USP5: variants seen among roughly 807,000 people sequenced by gnomAD.
USP5 encodes the protein ubiquitin carboxyl-terminal hydrolase 5.
Under a neutral mutation model 102.5 loss-of-function variants are expected in USP5, and 24 were observed. The ratio of observed to expected loss-of-function variants is 0.23; its 90% CI spans 0.17 to 0.33. The LOEUF is 0.33. Among genes scored for constraint, USP5 ranks in the 10% least tolerant of loss-of-function variants. The probability of loss-of-function intolerance (pLI) is 1.00; values close to 1 mark genes in which losing one functional copy is unlikely to be tolerated. For missense variants in USP5, 753 were observed against 1,122.1 expected, an observed-to-expected ratio of 0.67 and a Z score of 4.70; for synonymous variants, 460 against 434.8, an observed-to-expected ratio of 1.06 and a Z score of -0.72.
chr12:6,855,641 G>GT lies in USP5; in HGVS notation c.238-108dup, dbSNP rs1944087261. ...TGTGTCATTAAAGCTTGGCACAGAT[G>GT]TTTTTTAGCTTTATTCCGTTCTGAG... On this transcript the variant is annotated intron_variant, in intron 2 of 19. Transcript: ENST00000229268. This position sits in a 1 kb window ranked among gnomAD's most constrained non-coding sequence, Gnocchi z 4.6. 3 of 1,586,432 alleles carry GT rather than the reference G, an allele frequency of 1.9e-6. No individual in the cohort carries two copies. Among genetic ancestry groups the GT allele is most frequent in the Admixed American group, 1.8e-5 (1 of 56,096 alleles).
At chr12:6,857,013 C>T (rs879999614) in intron 6 of USP5, 122 bp downstream of exon 6, 125 of 1,309,930 alleles carry the variant, frequency 9.5e-5, no homozygotes, top group Admixed American at 6.5e-4. Context: ...TAGTCAGGTG[C>T]GGTGGCTCAT....
intron 1 of USP5, among the ~76,000 whole-genome samples, chr12:6,853,246 C>T (rs1414768145): frequency 6.6e-6 from 1 of 152,222 alleles, no homozygotes; most frequent in East Asian, 1.9e-4. Context: ...TCTGCCAGAA[C>T]CAGCTCATGG....
chr12:6,852,388 G>A (rs1738660442), intron 1 of USP5, 98 bp downstream of exon 1: 2 of 1,210,532 alleles, frequency 1.7e-6, no homozygotes, highest in African/African-American at 1.5e-5. Flanking sequence ...GCCTCCCTGC[G>A]ATGCACCATG....
rs1266631603 is a variant in USP5 at position 6,856,953 on chromosome 12, C to T, written c.769+62C>T. The T allele has an allele frequency of 2.2e-5, 34 of 1,567,600 alleles. No homozygotes were observed. The highest frequency in any genetic ancestry group is 1.2e-4 in the African/African-American group (9 of 73,386). On this transcript the variant is annotated intron_variant, in intron 6 of 19. Transcript: ENST00000229268. The surrounding 1 kb of genome is among the most constrained non-coding windows in gnomAD (Gnocchi z 5.6). ...AATATATTTCATTTGTTAGTAATTT[C>T]GTGTGACATGTATAATACATGAATG...
intron 6 of USP5, among the ~76,000 whole-genome samples, 181 bp downstream of exon 6, chr12:6,857,072 G>A (rs1195717998): frequency 2.0e-5 from 3 of 152,110 alleles, no homozygotes; most frequent in African/African-American, 7.2e-5. Context: ...AATTGCTTGA[G>A]CCTAGGAGTT....
Position 6,855,971 on chromosome 12 carries a change from C to T in USP5, c.305-46C>T. ...TGCTGGCTCGGAGGAGGGACATTGA[C>T]CTGTTGTCATTGCTCTACTCTCCCT... On this transcript the variant is annotated intron_variant, in intron 3 of 19. Coordinates refer to ENST00000229268, the MANE Select transcript of USP5 (RefSeq NM_001098536.2). The surrounding 1 kb of genome is among the most constrained non-coding windows in gnomAD (Gnocchi z 4.6). 3.1e-6 allele frequency: 5 copies of T among 1,612,042 alleles called. No homozygotes were observed. The highest frequency in any genetic ancestry group is 4.2e-6 in the Non-Finnish European group (5 of 1,178,474).
intron 1 of USP5, among the ~76,000 whole-genome samples, chr12:6,853,139 G>T (rs1248298031): frequency 1.3e-5 from 2 of 152,174 alleles, no homozygotes; most frequent in African/African-American, 4.8e-5. Flanking sequence ...CTCAAGCGGA[G>T]GCCCTTTGGG....
In USP5 at chr12:6,860,269, C is replaced by T. The variant is rs782655272; in HGVS notation, c.1218+31C>T. 3.7e-6 allele frequency: 6 copies of T among 1,611,040 alleles called. No individual in the cohort carries two copies. The highest frequency in any genetic ancestry group is 5.1e-6 in the Non-Finnish European group (6 of 1,177,894). ...TCTAGGACCCTGTCCCTTTCAGGCCCTGGGATTGTGGGGAAGCTGAGGTCT... is the reference window on the plus strand; with the variant it reads ...TCTAGGACCCTGTCCCTTTCAGGCCTTGGGATTGTGGGGAAGCTGAGGTCT... On this transcript the variant is annotated intron_variant, in intron 10 of 19. Transcript: ENST00000229268. This position sits in a 1 kb window ranked among gnomAD's most constrained non-coding sequence, Gnocchi z 5.5.
chr12:6,864,241 G>C lies in USP5; in HGVS notation c.2244+46G>C, dbSNP rs78835987. The C allele has an allele frequency of 7.0e-3, 10,842 of 1,538,016 alleles. 1,138 individuals carry two copies. The East Asian group carries it at 0.22, about 31-fold the overall frequency. On this transcript the variant is annotated intron_variant, in intron 17 of 19. Coordinates refer to ENST00000229268, the MANE Select transcript of USP5 (RefSeq NM_001098536.2). This position sits in a 1 kb window ranked among gnomAD's most constrained non-coding sequence, Gnocchi z 4.8. Reference sequence around the variant, plus strand: ...GGACATGGGGCCAGTGGGGAAGAAGGGGGTGGGAATGAGGGGCCATCCTTC... The same window carrying C: ...GGACATGGGGCCAGTGGGGAAGAAGCGGGTGGGAATGAGGGGCCATCCTTC...
At position 6,858,747 on chromosome 12, in the gene USP5, G is replaced by A. The variant is rs1197286412; in HGVS notation, c.1058+130G>A. On this transcript the variant is annotated intron_variant, in intron 8 of 19. Coordinates refer to ENST00000229268, the MANE Select transcript of USP5 (RefSeq NM_001098536.2). This position sits in a 1 kb window ranked among gnomAD's most constrained non-coding sequence, Gnocchi z 4.2. ...AGAGTAGTTCCTATCGGCTGGGTGT[G>A]TTGGCCCACACCCGTAATCCCAGTA... 2.5e-5 allele frequency: 22 copies of A among 863,636 alleles called. No homozygotes were observed. The Admixed American group carries it at 4.1e-4, about 16-fold the overall frequency. 53.5% of individuals were successfully genotyped at this position (863,636 alleles called of 1,614,324 possible). A position where few individuals can be genotyped will look rare whatever the true frequency, so the allele number is the denominator to read the frequency against.
At position 6,861,580 on chromosome 12, in the gene USP5, T is replaced by G. The variant is rs1555129587; in HGVS notation, c.1636T>G (p.Trp546Gly). 6.3e-7 allele frequency: 1 copy of G among 1,590,202 alleles called. No homozygotes were observed. The highest frequency in any genetic ancestry group is 8.6e-7 in the Non-Finnish European group (1 of 1,163,278). The change falls in exon 13 of 20, where the codon TGG becomes GGG. Residue 546 changes from tryptophan to glycine, a missense_variant. Transcript: ENST00000229268. The surrounding 1 kb of genome is among the most constrained non-coding windows in gnomAD (Gnocchi z 4.9). ...GGCCCCTGAGCAGGTCGATGACTTCTGGAGCACGGCCCTGCAGGCCAAGTC... is the reference window on the plus strand; with the variant it reads ...GGCCCCTGAGCAGGTCGATGACTTCGGGAGCACGGCCCTGCAGGCCAAGTC... ...YGAPEQVDDF[W>G]STALQAKSVA...
rs1443190859 is a variant in USP5 at position 6,864,144 on chromosome 12, T to C, written c.2193T>C (p.Ile731=). The C allele has an allele frequency of 1.2e-6, 2 of 1,613,930 alleles. No individual in the cohort carries two copies. The highest frequency in any genetic ancestry group is 1.7e-6 in the Non-Finnish European group (2 of 1,179,928). The change falls in exon 17 of 20, where the codon ATT becomes ATC. Residue 731 remains isoleucine, a synonymous_variant. Transcript: ENST00000229268. The surrounding 1 kb of genome is among the most constrained non-coding windows in gnomAD (Gnocchi z 4.8). The stretch of plus-strand genomic sequence containing the variant: ...CTCCTGAGGACTGTGTGACCACCAT[T>C]GTCTCCATGGGCTTCTCCCGGGACC... ...DPPPEDCVTT[I]VSMGFSRDQA...
chr12:6,864,113 A>T lies in USP5; in HGVS notation c.2162A>T (p.Asp721Val). ...CCGGGCTCCACAAGCGCAGCAGCCGACCCCCCTCCTGAGGACTGTGTGACC... is the reference window on the plus strand; with the variant it reads ...CCGGGCTCCACAAGCGCAGCAGCCGTCCCCCCTCCTGAGGACTGTGTGACC... ...SGPGSTSAAA[D>V]PPPEDCVTTI... Residue 721 changes from aspartate to valine, a missense_variant, in exon 17 of 20, where the codon GAC becomes GTC. By Grantham distance (152) the Asp-to-Val change is radical (BLOSUM62 -3). Transcript: ENST00000229268. The surrounding 1 kb of genome is among the most constrained non-coding windows in gnomAD (Gnocchi z 4.8). The T allele has an allele frequency of 6.2e-7, 1 of 1,612,110 alleles. No individual in the cohort carries two copies.
intron 1 of USP5, among the ~76,000 whole-genome samples, chr12:6,854,823 A>G (rs1417161420): frequency 1.3e-5 from 2 of 151,800 alleles, no homozygotes; most frequent in Admixed American, 6.6e-5. Flanking sequence ...GGTCAGATAT[A>G]CTGTTCAAGT....
At position 6,856,017 on chromosome 12, in the gene USP5, G is replaced by T; in HGVS notation, c.305G>T (p.Gly102Val). ...TCCCTCTTCTTCCCTATCCTTCCAG[G>T]TGTTGAAGGCGGATTTGACCTTAGC... is the stretch of plus-strand genomic sequence containing the variant. ...PRKKPTRLAI[G>V]VEGGFDLSEE... is the part of the protein sequence containing the mutation. Residue 102 changes from glycine to valine, a missense_variant and splice_region_variant, in exon 4 of 20, where the codon GGT becomes GTT. This residue lies in a region of USP5 where 527 missense variants were observed against 816.5 expected (regional missense o/e 0.65). Transcript: ENST00000229268. This position sits in a 1 kb window ranked among gnomAD's most constrained non-coding sequence, Gnocchi z 5.6. 6.2e-7 allele frequency: 1 copy of T among 1,614,172 alleles called. No homozygotes were observed. The highest frequency in any genetic ancestry group is 8.5e-7 in the Non-Finnish European group (1 of 1,180,038).
intron 18 of USP5, 126 bp downstream of exon 18, chr12:6,865,001 C>A (rs1944392341): frequency 1.4e-6 from 2 of 1,404,550 alleles, no homozygotes; most frequent in South Asian, 2.7e-5. Context: ...AACGTGGCAT[C>A]TGAGGGTGGG....
Position 6,866,234 on chromosome 12 carries a change from G to A in USP5, c.*157G>A. ...CTGGAGGCCGTGGGAGAATGGCTGG[G>A]CAGAGCAGAGGGGCAGCGATAGACT... On this transcript the variant is annotated 3_prime_UTR_variant, in exon 20 of 20. Transcript: ENST00000229268. The surrounding 1 kb of genome is among the most constrained non-coding windows in gnomAD (Gnocchi z 4.7). 1 of 672,258 alleles carries A rather than the reference G, an allele frequency of 1.5e-6. No homozygotes were observed. The highest frequency in any genetic ancestry group is 2.7e-5 in the East Asian group (1 of 36,692). 41.6% of individuals were successfully genotyped at this position (672,258 alleles called of 1,614,324 possible). A position where few individuals can be genotyped will look rare whatever the true frequency, so the allele number is the denominator to read the frequency against.
Position 6,860,840 on chromosome 12 carries a change from C to T in USP5, c.1345-113C>T. 4.8e-6 allele frequency: 7 copies of T among 1,459,478 alleles called. No homozygotes were observed. The highest frequency in any genetic ancestry group is 6.6e-6 in the Non-Finnish European group (7 of 1,068,672). The allele number at this position is 1,459,478 out of a possible 1,614,324, so 90.4% of individuals were successfully genotyped here. A position where few individuals can be genotyped will look rare whatever the true frequency, so the allele number is the denominator to read the frequency against. On this transcript the variant is annotated intron_variant, in intron 11 of 19. Transcript: ENST00000229268. This position sits in a 1 kb window ranked among gnomAD's most constrained non-coding sequence, Gnocchi z 5.5. ...GAAGGTTTCTGCTCTGCTCTTGTGT[C>T]CCTGAGTTCCGAGTGGTAGTCTGCC... is the stretch of plus-strand genomic sequence containing the variant.
chr12:6,860,845 A>T lies in USP5; in HGVS notation c.1345-108A>T. On this transcript the variant is annotated intron_variant, in intron 11 of 19. Transcript: ENST00000229268. The surrounding 1 kb of genome is among the most constrained non-coding windows in gnomAD (Gnocchi z 5.5). ...TTTCTGCTCTGCTCTTGTGTCCCTG[A>T]GTTCCGAGTGGTAGTCTGCCTTCTC... is the stretch of plus-strand genomic sequence containing the variant. 1.4e-6 allele frequency: 2 copies of T among 1,481,048 alleles called. No individual in the cohort carries two copies. Among genetic ancestry groups the T allele is most frequent in the South Asian group, 2.5e-5 (2 of 80,006 alleles). 91.7% of individuals were successfully genotyped at this position (1,481,048 alleles called of 1,614,324 possible).
Sources: allele counts gnomAD v4.1 joint callset (sites outside exome capture counted in the v4.1 genomes callset), GRCh38; gene constraint gnomAD v4.1.1; regional missense constraint gnomAD v4.1.1; non-coding constraint Gnocchi (gnomAD v3.1); transcripts MANE v1.5; gene names NCBI Gene and HGNC (gene_info 2026-07-23, HGNC 2026-07-21).